VGLL4: variants seen among roughly 807,000 people sequenced by gnomAD.
VGLL4 encodes vestigial like family member 4.
VGLL4 carries 7 observed loss-of-function variants against 21.0 expected under a neutral mutation model. The ratio of observed to expected loss-of-function variants is 0.33; its 90% CI spans 0.19 to 0.63. The LOEUF (loss-of-function observed/expected upper bound fraction) is 0.63, where lower values mean the gene tolerates loss of function less well. VGLL4 is among the 20% of genes least tolerant of loss of function. The pLI, the probability that VGLL4 is intolerant of heterozygous loss-of-function variation, is 0.78. For missense variants in VGLL4, 394 were observed against 425.7 expected, an observed-to-expected ratio of 0.93 and a Z score of 0.66; for synonymous variants, 222 against 173.2, an observed-to-expected ratio of 1.28 and a Z score of -2.21.
Position 11,719,876 on chromosome 3 carries a change from C to T in VGLL4, c.-14+518G>A, listed in dbSNP as rs1432166653. 6.6e-6 allele frequency among the ~76,000 whole-genome samples: 1 copy of T among 151,988 alleles called. No homozygotes were observed. The highest frequency in any genetic ancestry group is 1.5e-5 in the Non-Finnish European group (1 of 67,962). ...GCTGGGGCAGTGAGGTTTGTCGGGG[C>T]GGGCGCTCCCGAGAGGCGCCAGCGG... is the stretch of plus-strand genomic sequence containing the variant. On this transcript the variant is annotated intron_variant, in intron 1 of 5. Transcript: ENST00000273038. This position sits in a 1 kb window ranked among gnomAD's most constrained non-coding sequence, Gnocchi z 4.0.
intron 2 of VGLL4, among the ~76,000 whole-genome samples, chr3:11,573,319 GAAA>G (rs1350139113): frequency 0.038 from 937 of 24,464 alleles, 109 homozygotes; most frequent in East Asian, 0.075. Flanking sequence ...AAGGAAGGAA[GAAA>G]GAAAGAAAGA....
At chr3:11,633,860 A>G (rs2075535331) in intron 1 of VGLL4, among the ~76,000 whole-genome samples, 1 of 152,202 alleles carries the variant, frequency 6.6e-6, no homozygotes, top group Non-Finnish European at 1.5e-5. Flanking sequence ...GCGAACATGG[A>G]AAGTAAGGCT....
Position 11,668,602 on chromosome 3 carries a change from C to T in VGLL4, c.64+34369G>A, listed in dbSNP as rs79241222. Among the ~76,000 whole-genome samples the T allele has an allele frequency of 3.3e-4, 51 of 152,302 alleles. No homozygotes were observed. In the East Asian group the frequency reaches 9.3e-3, roughly 28 times the overall value. The stretch of plus-strand genomic sequence containing the variant: ...GTTACCTTTCGAAAACCCATCTCAA[C>T]GTGTCATCAGAAACCTTCAATGGCC... On this transcript the variant is annotated intron_variant, in intron 2 of 5. Transcript: ENST00000273038.
intron 2 of VGLL4, among the ~76,000 whole-genome samples, chr3:11,686,048 G>A (rs2076442615): frequency 6.6e-6 from 1 of 152,188 alleles, no homozygotes; most frequent in Non-Finnish European, 1.5e-5. Context: ...AAATGTTGGT[G>A]AGGATGTGGA....
chr3:11,721,768 T>G (rs2076994316), upstream of VGLL4: 1 of 152,212 alleles, frequency 6.6e-6, no homozygotes, highest in African/African-American at 2.4e-5. Context: ...CCGCCTCTAT[T>G]TGTTATAGGA....
intron 2 of VGLL4, among the ~76,000 whole-genome samples, chr3:11,661,741 A>G (rs1441216836): frequency 2.6e-5 from 4 of 152,080 alleles, no homozygotes; most frequent in African/African-American, 9.7e-5. Context: ...CAAAGTGCTG[A>G]GATTACAGGT....
At chr3:11,562,952 G>T (rs1038331384) in intron 3 of VGLL4, among the ~76,000 whole-genome samples, 1 of 152,230 alleles carries the variant, frequency 6.6e-6, no homozygotes, top group Non-Finnish European at 1.5e-5. Flanking sequence ...GTGTGCCGTG[G>T]GCAGCCAGGC....
At chr3:11,698,432 C>T (rs1246570406) in intron 2 of VGLL4, among the ~76,000 whole-genome samples, 1 of 152,186 alleles carries the variant, frequency 6.6e-6, no homozygotes, top group Non-Finnish European at 1.5e-5. Flanking sequence ...TCATTTGAAC[C>T]CGGGAGGCAG....
At chr3:11,593,837 T>C (rs1005434810) in intron 2 of VGLL4, among the ~76,000 whole-genome samples, 9 of 152,286 alleles carry the variant, frequency 5.9e-5, no homozygotes, top group Non-Finnish European at 1.3e-4. Context: ...GAGGGGAGGC[T>C]GCGTTTTCTT....
chr3:11,699,659 A>G (rs1390933416), intron 2 of VGLL4: 1 of 152,144 alleles, frequency 6.6e-6, no homozygotes, highest in Non-Finnish European at 1.5e-5. Context: ...AAAGAAATAG[A>G]AAAATTAGCT....
rs34222383 is a variant in VGLL4 at position 11,707,327 on chromosome 3, C to CAAAAAAA, written c.-13-4287_-13-4281dup. On this transcript the variant is annotated intron_variant, in intron 1 of 5. Transcript: ENST00000273038. Reference sequence around the variant, plus strand: ...TGGGCAACAGAGCCAGACCCTGCCTCAAAAAAAAAAAAAAAAAAAAAAAAA... The same window carrying CAAAAAAA: ...TGGGCAACAGAGCCAGACCCTGCCTCAAAAAAAAAAAAAAAAAAAAAAAAAAAAAAAA... Among the ~76,000 whole-genome samples the CAAAAAAA allele has an allele frequency of 1.3e-3, 55 of 43,058 alleles. 1 individual carries two copies. Among genetic ancestry groups the CAAAAAAA allele is most frequent in the African/African-American group, 4.9e-3 (50 of 10,240 alleles). The allele number at this position is 43,058 out of a possible 152,430, so 28.2% of individuals were successfully genotyped here.
intron 2 of VGLL4, among the ~76,000 whole-genome samples, chr3:11,688,672 G>T (rs571502725): frequency 6.7e-6 from 1 of 149,738 alleles, no homozygotes; most frequent in East Asian, 2.0e-4. Flanking sequence ...ACAGTTTTTG[G>T]TTGTCAGTTT....
At chr3:11,661,943 C>T (rs961647128) in intron 2 of VGLL4, among the ~76,000 whole-genome samples, 2 of 152,252 alleles carry the variant, frequency 1.3e-5, no homozygotes, top group Admixed American at 1.3e-4. Flanking sequence ...CACTAAACAG[C>T]AATAAAGGAA....
intron 2 of VGLL4, among the ~76,000 whole-genome samples, chr3:11,584,854 C>T (rs914672856): frequency 1.3e-5 from 2 of 151,964 alleles, no homozygotes; most frequent in East Asian, 3.9e-4. Flanking sequence ...AGGCGGAAGG[C>T]GCCCATGGTG....
intron 2 of VGLL4, among the ~76,000 whole-genome samples, chr3:11,650,788 C>T (rs1387301455): frequency 1.1e-4 from 17 of 151,726 alleles, no homozygotes; most frequent in Admixed American, 1.1e-3. Flanking sequence ...CAAAACAGAC[C>T]TTACTAATAA....
At chr3:11,655,545 T>C (rs1462145741) in intron 2 of VGLL4, among the ~76,000 whole-genome samples, 6 of 152,206 alleles carry the variant, frequency 3.9e-5, no homozygotes, top group African/African-American at 1.4e-4. Flanking sequence ...TCTTAAATTA[T>C]CAACACCCAG....
chr3:11,610,003 C>G (rs959295788), intron 1 of VGLL4, among the ~76,000 whole-genome samples: 5 of 152,156 alleles, frequency 3.3e-5, no homozygotes, highest in South Asian at 2.1e-4. Context: ...GTTCAGCCCC[C>G]CTCCCAGCCC....
rs185316125 is a variant in VGLL4, at chr3:11,700,236, A to G, written c.64+2735T>C. Among the ~76,000 whole-genome samples, 16 of 152,348 alleles carry G rather than the reference A, an allele frequency of 1.1e-4. No individual in the cohort carries two copies. In the East Asian group the frequency reaches 2.7e-3, roughly 26 times the overall value. On this transcript the variant is annotated intron_variant, in intron 2 of 5. Transcript: ENST00000273038. ...CAGAATGATCAAAAGAGGAGACAAG[A>G]AAGTCTTTACTCTCCCCACTTAAAG... is the stretch of plus-strand genomic sequence containing the variant.
Position 11,702,441 on chromosome 3 carries a change from C to T in VGLL4, c.64+530G>A, listed in dbSNP as rs1575545220. Among the ~76,000 whole-genome samples the T allele has an allele frequency of 2.9e-5, 4 of 135,764 alleles. 1 individual carries two copies. Among genetic ancestry groups the T allele is most frequent in the African/African-American group, 1.1e-4 (4 of 35,068 alleles). 89.1% of individuals were successfully genotyped at this position (135,764 alleles called of 152,430 possible). A position where few individuals can be genotyped will look rare whatever the true frequency, so the allele number is the denominator to read the frequency against. Reference sequence around the variant, plus strand: ...CCTGGCCAACATGGTAAAACCCCGCCTCTACTAAAAATACAAAAAAAAAAA... The same window carrying T: ...CCTGGCCAACATGGTAAAACCCCGCTTCTACTAAAAATACAAAAAAAAAAA... On this transcript the variant is annotated intron_variant, in intron 2 of 5. Coordinates refer to the VGLL4 transcript ENST00000273038.
Sources: allele counts gnomAD v4.1 joint callset (sites outside exome capture counted in the v4.1 genomes callset), GRCh38; gene constraint gnomAD v4.1.1; non-coding constraint Gnocchi (gnomAD v3.1); transcripts MANE v1.5; gene names NCBI Gene and HGNC (gene_info 2026-07-23, HGNC 2026-07-21).